STAP2: variants seen among roughly 807,000 people sequenced by gnomAD.
STAP2 encodes signal transducing adaptor family member 2.
A neutral mutation model predicts 52.7 loss-of-function variants in STAP2; 58 were observed. The observed-to-expected ratio is 1.10, with a 90% CI of 0.89 to 1.37. The LOEUF (loss-of-function observed/expected upper bound fraction) is 1.37. Among genes scored for constraint, STAP2 ranks in the 40% most tolerant of loss-of-function variants. The pLI is 0.00. For missense variants in STAP2, 522 were observed against 519.4 expected, an observed-to-expected ratio of 1.00 and a Z score of -0.05; for synonymous variants, 231 against 210.5, an observed-to-expected ratio of 1.10 and a Z score of -0.84.
chr19:4,335,939 G>C (rs1030442188), intron 1 of STAP2, among the ~76,000 whole-genome samples: 2 of 152,176 alleles, frequency 1.3e-5, no homozygotes. Context: ...CATAAGGCCT[G>C]GGAGTAAGGA....
At chr19:4,332,271 G>C (rs996651602) in intron 3 of STAP2, among the ~76,000 whole-genome samples, 193 bp from the exon 4 acceptor site, 8 of 131,170 alleles carry the variant, frequency 6.1e-5, no homozygotes, top group African/African-American at 2.3e-4. Context: ...ACAGTGGCGC[G>C]ATCTCAGCTC....
At position 4,333,988 on chromosome 19, in the gene STAP2, G is replaced by T. The variant is rs200009570; in HGVS notation, c.159C>A (p.Ser53Arg). The T allele has an allele frequency of 6.2e-7, 1 of 1,613,396 alleles. No homozygotes were observed. The change falls in exon 2 of 13, where the codon AGC (serine) becomes AGA (arginine). Residue 53 changes from serine (S) to arginine (R), a missense_variant. By Grantham distance (110) the Ser-to-Arg change is moderately radical. Coordinates refer to ENST00000594605, the MANE Select transcript of STAP2 (RefSeq NM_001013841.2). ...CCATCCTTACCTGGAAGTCCCGATT[G>T]CTATTGTAGAAATAAATGGTGAGAC... ...LQGLTIYFYN[S>R]NRDFQHVEKL...
At chr19:4,338,320 C>T (rs751478518) in intron 1 of STAP2, 50 of 166,350 alleles carry the variant, frequency 3.0e-4, no homozygotes, top group Non-Finnish European at 5.3e-4. Context: ...TGGAGGAAGT[C>T]CCTGATCTTG....
intron 4 of STAP2, 147 bp downstream of exon 4, chr19:4,331,875 T>A (rs1971896518): frequency 1.5e-6 from 1 of 683,006 alleles, no homozygotes; most frequent in Non-Finnish European, 2.4e-6. Context: ...GAGCTTGCAG[T>A]GAGCCGAGAT....
chr19:4,337,741 G>T (rs1289050933), intron 1 of STAP2, among the ~76,000 whole-genome samples: 1 of 152,046 alleles, frequency 6.6e-6, no homozygotes, highest in African/African-American at 2.4e-5. Context: ...TACTCGGGAG[G>T]CTGAGGCACG....
At chr19:4,326,881 G>T in intron 9 of STAP2, 61 bp downstream of exon 9, 13 of 1,533,122 alleles carry the variant, frequency 8.5e-6, no homozygotes, top group South Asian at 1.2e-5. Flanking sequence ...GACTGAGGGG[G>T]CGTGGCTGAA....
rs999331679 is a variant in STAP2 at position 4,325,656 on chromosome 19, C to G, written c.830-111G>C. The stretch of plus-strand genomic sequence containing the variant: ...GAGACAGGCATGTGTCCCTGTGTGT[C>G]TGTGTGTGTGCCCATGTATAAGTCT... On this transcript the variant is annotated intron_variant, in intron 9 of 12. Coordinates refer to ENST00000594605, the MANE Select transcript of STAP2 (RefSeq NM_001013841.2). The G allele has an allele frequency of 9.3e-6, 12 of 1,293,546 alleles. No homozygotes were observed. In the African/African-American group the frequency reaches 1.6e-4, roughly 18 times the overall value. 80.1% of individuals were successfully genotyped at this position (1,293,546 alleles called of 1,614,324 possible). A position where few individuals can be genotyped will look rare whatever the true frequency, so the allele number is the denominator to read the frequency against.
At chr19:4,330,136 G>T in intron 4 of STAP2, 75 bp from the exon 5 acceptor site, 1 of 1,136,778 alleles carries the variant, frequency 8.8e-7, no homozygotes, top group Non-Finnish European at 1.3e-6. Context: ...TCACAGAGTG[G>T]CAAATTGAGG....
At position 4,333,302 on chromosome 19, in the gene STAP2, A is replaced by G. The variant is rs193255162; in HGVS notation, c.297+392T>C. The stretch of plus-strand genomic sequence containing the variant: ...CTGAGGTGAGGAGTTCCAGGCCAGC[A>G]TGGCCAACATGGTGAAACCCCATCT... On this transcript the variant is annotated intron_variant, in intron 3 of 12. Transcript: ENST00000594605. Among the ~76,000 whole-genome samples the G allele has an allele frequency of 1.7e-4, 26 of 152,020 alleles. No homozygotes were observed. The East Asian group carries it at 5.0e-3, about 30-fold the overall frequency.
chr19:4,330,523 C>G (rs1367999046), intron 4 of STAP2, among the ~76,000 whole-genome samples: 1 of 149,752 alleles, frequency 6.7e-6, no homozygotes, highest in South Asian at 2.2e-4. Context: ...ACTCCGTTCC[C>G]CGCTCCCCAA....
chr19:4,324,695 G>A, intron 11 of STAP2, 166 bp from the exon 12 acceptor site: 2 of 616,128 alleles, frequency 3.2e-6, no homozygotes. Context: ...AGATGGACGT[G>A]GTGGCAGGTG....
intron 4 of STAP2, among the ~76,000 whole-genome samples, chr19:4,330,565 T>G (rs77192097): frequency 6.7e-6 from 1 of 148,640 alleles, no homozygotes. Context: ...AAGTAGATGC[T>G]GGAATCTAGG....
At chr19:4,324,228 G>A in intron 12 of STAP2, 31 bp from the exon 13 acceptor site, 1 of 1,548,156 alleles carries the variant, frequency 6.5e-7, no homozygotes, top group South Asian at 1.2e-5. Context: ...GCTGCAGCTG[G>A]CTCAGGGATC....
At chr19:4,331,703 C>T (rs931965267) in intron 4 of STAP2, among the ~76,000 whole-genome samples, 15 of 151,704 alleles carry the variant, frequency 9.9e-5, no homozygotes, top group Non-Finnish European at 4.4e-5. Context: ...GAGGCTGAGG[C>T]GGGTGGATCA....
chr19:4,325,607 C>T (rs139540746), intron 9 of STAP2, 62 bp from the exon 10 acceptor site: 26 of 1,508,914 alleles, frequency 1.7e-5, no homozygotes, highest in Admixed American at 6.2e-5. Flanking sequence ...TGCAGGTTGG[C>T]GGGGGGGTCT....
At chr19:4,324,828 C>G in intron 11 of STAP2, 1 of 408,020 alleles carries the variant, frequency 2.5e-6, no homozygotes, top group Non-Finnish European at 4.5e-6. Flanking sequence ...CATCTCAAAA[C>G]AAAAAACAAC....
At chr19:4,328,884 C>T in intron 5 of STAP2, 75 bp from the exon 6 acceptor site, 3 of 1,546,194 alleles carry the variant, frequency 1.9e-6, no homozygotes, top group Non-Finnish European at 2.6e-6. Context: ...CCTGCCTCCT[C>T]TGAGACCCAG....
rs558207867 is a variant in STAP2 at position 4,330,079 on chromosome 19, G to A, written c.355-18C>T. The A allele has an allele frequency of 1.9e-6, 3 of 1,604,000 alleles. No homozygotes were observed. The South Asian group carries it at 3.3e-5, about 18-fold the overall frequency. ...ACACGGAGCTGAGGGGCGATCGAGGGACAGTGACTGCACCTGGCCAGCCGG... is the reference window on the plus strand; with the variant it reads ...ACACGGAGCTGAGGGGCGATCGAGGAACAGTGACTGCACCTGGCCAGCCGG... On this transcript the variant is annotated intron_variant, in intron 4 of 12. Transcript: ENST00000594605.
rs7343166 is a variant in STAP2, at chr19:4,327,239, G to A, written c.661-13C>T. On this transcript the variant is annotated splice_polypyrimidine_tract_variant and intron_variant, in intron 7 of 12. Transcript: ENST00000594605. ...AGGTGCAAGAGAACTGGGGGCAGAT[G>A]GGGGAGCGGTCAGGCTGCTGGAGAA... The A allele has an allele frequency of 1.9e-6, 3 of 1,613,948 alleles. No individual in the cohort carries two copies. In the African/African-American group the frequency reaches 4.0e-5, roughly 22 times the overall value.
Sources: gnomAD v4.1 joint callset for allele counts (sites outside exome capture counted in the v4.1 genomes callset) on GRCh38, gnomAD v4.1.1 for gene constraint, MANE v1.5 for transcripts, NCBI Gene and HGNC (gene_info 2026-07-23, HGNC 2026-07-21) for gene names.